Variants in AGER observed in about 807,000 individuals in gnomAD.
AGER encodes advanced glycation end product-specific receptor.
A neutral mutation model predicts 48.8 loss-of-function variants in AGER; 46 were observed. The observed-to-expected ratio is 0.94, with a 90% CI of 0.74 to 1.20. The LOEUF (loss-of-function observed/expected upper bound fraction) is 1.20. Ranked by LOEUF, AGER falls within the 50% of genes most tolerant of loss-of-function variation. The pLI is 0.00. For missense variants in AGER, 489 were observed against 515.0 expected (o/e 0.95, Z 0.49); for synonymous variants, 170 against 199.9 (o/e 0.85, Z 1.26).
chr6:32,181,255 G>T lies in AGER; in HGVS notation c.1119-16C>A, dbSNP rs901719559. The T allele has an allele frequency of 1.2e-6, 2 of 1,613,986 alleles. No individual in the cohort carries two copies. Among genetic ancestry groups the T allele is most frequent in the South Asian group, 1.1e-5 (1 of 91,076 alleles). On this transcript the variant is annotated splice_polypyrimidine_tract_variant and intron_variant, in intron 10 of 10. Transcript: ENST00000375076. This position sits in a 1 kb window ranked among gnomAD's most constrained non-coding sequence, Gnocchi z 4.1. The stretch of plus-strand genomic sequence containing the variant: ...TGGGGCCTTCCTGAGGAGAAAGATT[G>T]GGGGGAATGCGGCACGTTGTCGTTC...
chr6:32,182,392 G>C lies in AGER; in HGVS notation c.823-4C>G. 1 of 1,609,662 alleles carries C rather than the reference G, an allele frequency of 6.2e-7. No individual in the cohort carries two copies. The highest frequency in any genetic ancestry group is 8.5e-7 in the Non-Finnish European group (1 of 1,178,040). ...GGGGAAGGGGCAAGGGCACACCCTG[G>C]TGGGGGAAGGGGAGAGGAGACTATT... On this transcript the variant is annotated splice_region_variant and splice_polypyrimidine_tract_variant and intron_variant, in intron 7 of 10. Transcript: ENST00000375076. The surrounding 1 kb of genome is among the most constrained non-coding windows in gnomAD (Gnocchi z 5.1).
Position 32,181,530 on chromosome 6 carries a change from T to C in AGER, c.992-53A>G. 4 of 1,613,132 alleles carry C rather than the reference T, an allele frequency of 2.5e-6. No homozygotes were observed. Among genetic ancestry groups the C allele is most frequent in the Non-Finnish European group, 3.4e-6 (4 of 1,180,020 alleles). On this transcript the variant is annotated intron_variant, in intron 9 of 10. Coordinates refer to ENST00000375076, the MANE Select transcript of AGER (RefSeq NM_001136.5). The surrounding 1 kb of genome is among the most constrained non-coding windows in gnomAD (Gnocchi z 4.1). ...CACAGCCACCACCACTCACCATTCCTTTCTTGTTGACCATCCCCCCAGTCA... is the reference window on the plus strand; with the variant it reads ...CACAGCCACCACCACTCACCATTCCCTTCTTGTTGACCATCCCCCCAGTCA...
In AGER at chr6:32,180,988, A is replaced by G; in HGVS notation, c.*155T>C. The G allele has an allele frequency of 1.3e-6, 1 of 755,144 alleles. No individual in the cohort carries two copies. Among genetic ancestry groups the G allele is most frequent in the East Asian group, 2.5e-5 (1 of 40,682 alleles). The allele number at this position is 755,144 out of a possible 1,614,324, so 46.8% of individuals were successfully genotyped here. A position where few individuals can be genotyped will look rare whatever the true frequency, so the allele number is the denominator to read the frequency against. On this transcript the variant is annotated 3_prime_UTR_variant, in exon 11 of 11. Coordinates refer to ENST00000375076, the MANE Select transcript of AGER (RefSeq NM_001136.5). The stretch of plus-strand genomic sequence containing the variant: ...CAAGAGCAAGATGTGTCAGGTGTTT[A>G]ATCATCATTGTGGGGGGCTCTGGTT...
At position 32,182,661 on chromosome 6, in the gene AGER, C is replaced by T; in HGVS notation, c.729G>A (p.Glu243=). The T allele has an allele frequency of 3.1e-6, 5 of 1,613,124 alleles. No homozygotes were observed. Among genetic ancestry groups the T allele is most frequent in the South Asian group, 1.1e-5 (1 of 91,090 alleles). The change falls in exon 7 of 11, where the codon GAG becomes GAA. Residue 243 remains glutamate (E), a synonymous_variant. Coordinates refer to ENST00000375076, the MANE Select transcript of AGER (RefSeq NM_001136.5). The surrounding 1 kb of genome is among the most constrained non-coding windows in gnomAD (Gnocchi z 5.1). ...VPLEEVQLVV[E]PEGGAVAPGG... ...CAGGAGCTACTGCTCCACCTTCTGG[C>T]TCCACCACCAATTGGACCTCCTCCA...
rs1184249323 is a variant in AGER, at chr6:32,181,733, T to G, written c.965-101A>C. ...GGAGTCTTTCCCTTTCTTTTTTTTT[T>G]TGAGATGGAGTTTCACTTTTGTTGC... On this transcript the variant is annotated intron_variant, in intron 8 of 10. Coordinates refer to ENST00000375076, the MANE Select transcript of AGER (RefSeq NM_001136.5). The surrounding 1 kb of genome is among the most constrained non-coding windows in gnomAD (Gnocchi z 4.1). 2 of 1,273,828 alleles carry G rather than the reference T, an allele frequency of 1.6e-6. No homozygotes were observed. Among genetic ancestry groups the G allele is most frequent in the Non-Finnish European group, 2.2e-6 (2 of 911,772 alleles). 78.9% of individuals were successfully genotyped at this position (1,273,828 alleles called of 1,614,324 possible).
Position 32,183,977 on chromosome 6 carries a change from T to C in AGER, c.63A>G (p.Val21=). Residue 21 remains valine (V), a synonymous_variant, in exon 2 of 11, where the codon GTA becomes GTG. Coordinates refer to ENST00000375076, the MANE Select transcript of AGER (RefSeq NM_001136.5). ...VLVLSLWGAV[V]GAQNITARIG... The stretch of plus-strand genomic sequence containing the variant: ...TCCGGGCTGTGATGTTTTGAGCACC[T>C]ACTACTGCCCCTGGGAGATAGCACC... 6.2e-7 allele frequency: 1 copy of C among 1,612,984 alleles called. No individual in the cohort carries two copies. Among genetic ancestry groups the C allele is most frequent in the Non-Finnish European group, 8.5e-7 (1 of 1,180,008 alleles).
In AGER at chr6:32,181,050, G is replaced by T; in HGVS notation, c.*93C>A. 1 of 1,331,490 alleles carries T rather than the reference G, an allele frequency of 7.5e-7. No homozygotes were observed. Among genetic ancestry groups the T allele is most frequent in the Non-Finnish European group, 1.1e-6 (1 of 934,436 alleles). The allele number at this position is 1,331,490 out of a possible 1,614,324, so 82.5% of individuals were successfully genotyped here. A position where few individuals can be genotyped will look rare whatever the true frequency, so the allele number is the denominator to read the frequency against. ...CTTGGCAAGGTGGGGTTATACAGGA[G>T]AGAGATTATACAGGAGAGAGTTGGT... On this transcript the variant is annotated 3_prime_UTR_variant, in exon 11 of 11. Transcript: ENST00000375076. This position sits in a 1 kb window ranked among gnomAD's most constrained non-coding sequence, Gnocchi z 4.1.
Position 32,181,980 on chromosome 6 carries a change from G to T in AGER, c.964+267C>A. The T allele has an allele frequency of 3.1e-6, 2 of 647,740 alleles. No homozygotes were observed. The highest frequency in any genetic ancestry group is 5.5e-6 in the Non-Finnish European group (2 of 362,234). 40.1% of individuals were successfully genotyped at this position (647,740 alleles called of 1,614,324 possible). On this transcript the variant is annotated intron_variant, in intron 8 of 10. Transcript: ENST00000375076. This position sits in a 1 kb window ranked among gnomAD's most constrained non-coding sequence, Gnocchi z 4.1. ...ACTCCCTACCTCAGGTGATCTGCCC[G>T]CCTCAGCCTCCCAAAGTGTTGGGAT... is the stretch of plus-strand genomic sequence containing the variant.
chr6:32,181,207 T>C lies in AGER; in HGVS notation c.1151A>G (p.Glu384Gly). 1 of 1,614,162 alleles carries C rather than the reference T, an allele frequency of 6.2e-7. No individual in the cohort carries two copies. The highest frequency in any genetic ancestry group is 8.5e-7 in the Non-Finnish European group (1 of 1,180,018). ...CTCCGACTGATTCAGTTCTGCACGC[T>C]CCTCCTCTTCCTCCTGGTTTTCTGG... ...KAPENQEEEE[E>G]RAELNQSEEP... The change falls in exon 11 of 11, where the codon GAG becomes GGG. Residue 384 changes from glutamate (E) to glycine (G), a missense_variant. By Grantham distance (98) the Glu-to-Gly change is moderately conservative. Coordinates refer to ENST00000375076, the MANE Select transcript of AGER (RefSeq NM_001136.5). The surrounding 1 kb of genome is among the most constrained non-coding windows in gnomAD (Gnocchi z 4.1).
At position 32,182,250 on chromosome 6, in the gene AGER, T is replaced by C; in HGVS notation, c.961A>G (p.Ile321Val). 1 of 1,612,830 alleles carries C rather than the reference T, an allele frequency of 6.2e-7. No individual in the cohort carries two copies. Among genetic ancestry groups the C allele is most frequent in the Non-Finnish European group, 8.5e-7 (1 of 1,180,010 alleles). Residue 321 changes from isoleucine (I) to valine (V), a missense_variant, in exon 8 of 11, where the codon ATC (isoleucine) becomes GTC (valine). By Grantham distance (29) the Ile-to-Val change is conservative. Transcript: ENST00000375076. This position sits in a 1 kb window ranked among gnomAD's most constrained non-coding sequence, Gnocchi z 5.1. Reference sequence around the variant, plus strand: ...AGGGCTTGGGGAGAGGTCTCACCGATGATGCTGATGCTGACAGCACGGCTT... The same window carrying C: ...AGGGCTTGGGGAGAGGTCTCACCGACGATGCTGATGCTGACAGCACGGCTT... Reference protein sequence around the residue: ...QESRAVSISIIEPGEEGPTAG... With the variant: ...QESRAVSISIVEPGEEGPTAG...
In AGER at chr6:32,183,113, C is replaced by T; in HGVS notation, c.508+1G>A. On this transcript the variant is annotated splice_donor_variant, in intron 5 of 10. Transcript: ENST00000375076. LOFTEE classifies it high-confidence loss of function. ...AGCTTGGGGGGCACCTTAGGACTCA[C>T]CCTTCTCATTAGGCACCAGGGGCTT... 1 of 1,613,088 alleles carries T rather than the reference C, an allele frequency of 6.2e-7. No individual in the cohort carries two copies. The highest frequency in any genetic ancestry group is 8.5e-7 in the Non-Finnish European group (1 of 1,180,018).
intron 5 of AGER, 45 bp from the exon 6 acceptor site, chr6:32,183,068 A>G (rs1177247291): frequency 1.9e-6 from 3 of 1,612,828 alleles, no homozygotes; most frequent in East Asian, 2.2e-5. Context: ...TGGGTGTGGG[A>G]GTGAGATCAG....
At chr6:32,183,527 G>T in intron 3 of AGER, 28 bp downstream of exon 3, 7 of 1,612,898 alleles carry the variant, frequency 4.3e-6, no homozygotes, top group Non-Finnish European at 5.9e-6. Flanking sequence ...TAAGAGGGAG[G>T]CCTTGGAGAA....
Position 32,182,809 on chromosome 6 carries a change from G to T in AGER, c.691+32C>A. 2 of 1,612,614 alleles carry T rather than the reference G, an allele frequency of 1.2e-6. No homozygotes were observed. The highest frequency in any genetic ancestry group is 1.7e-6 in the Non-Finnish European group (2 of 1,179,982). On this transcript the variant is annotated intron_variant, in intron 6 of 10. Coordinates refer to ENST00000375076, the MANE Select transcript of AGER (RefSeq NM_001136.5). The surrounding 1 kb of genome is among the most constrained non-coding windows in gnomAD (Gnocchi z 5.1). Reference sequence around the variant, plus strand: ...GGTCAGACTTCCAGAACGTGCTCACGTGAGCTTGGGGCCCTCCCCACCTAT... The same window carrying T: ...GGTCAGACTTCCAGAACGTGCTCACTTGAGCTTGGGGCCCTCCCCACCTAT...
At chr6:32,183,852 T>C in intron 2 of AGER, 29 bp downstream of exon 2, 1 of 1,612,634 alleles carries the variant, frequency 6.2e-7, no homozygotes, top group Non-Finnish European at 8.5e-7. Flanking sequence ...CCCTGGAAGT[T>C]GGGAGGCTGC....
At chr6:32,183,268 A>G (rs755016087) in intron 4 of AGER, 56 bp downstream of exon 4, 3 of 1,612,830 alleles carry the variant, frequency 1.9e-6, no homozygotes, top group Non-Finnish European at 2.5e-6. Flanking sequence ...ACACCCACAC[A>G]CACTCGCCTC....
intron 4 of AGER, 31 bp from the exon 5 acceptor site, chr6:32,183,232 T>G: frequency 6.2e-7 from 1 of 1,612,656 alleles, no homozygotes; most frequent in Non-Finnish European, 8.5e-7. Flanking sequence ...TCAGAATCCT[T>G]TGAAAATGAG....
rs1786123370 is a variant in AGER, at chr6:32,181,192, T to C, written c.1166A>G (p.Asn389Ser). The C allele has an allele frequency of 6.2e-7, 1 of 1,614,078 alleles. No homozygotes were observed. Among genetic ancestry groups the C allele is most frequent in the Non-Finnish European group, 8.5e-7 (1 of 1,180,040 alleles). Residue 389 changes from asparagine (N) to serine (S), a missense_variant, in exon 11 of 11, where the codon AAT becomes AGT. Asn to Ser is a conservative substitution (Grantham distance 46). Transcript: ENST00000375076. The surrounding 1 kb of genome is among the most constrained non-coding windows in gnomAD (Gnocchi z 4.1). ...GCCTGCCTCAGGTTCCTCCGACTGA[T>C]TCAGTTCTGCACGCTCCTCCTCTTC... ...QEEEEERAELNQSEEPEAGES... is the reference protein window; with the variant it reads ...QEEEEERAELSQSEEPEAGES...
At position 32,182,211 on chromosome 6, in the gene AGER, G is replaced by A. The variant is rs13209119; in HGVS notation, c.964+36C>T. ...AGAGCCTGTGCTGTCCTGCACCCTAGTCCCAGGGTCTGTAGGGCTTGGGGA... is the reference window on the plus strand; with the variant it reads ...AGAGCCTGTGCTGTCCTGCACCCTAATCCCAGGGTCTGTAGGGCTTGGGGA... On this transcript the variant is annotated intron_variant, in intron 8 of 10. Coordinates refer to ENST00000375076, the MANE Select transcript of AGER (RefSeq NM_001136.5). This position sits in a 1 kb window ranked among gnomAD's most constrained non-coding sequence, Gnocchi z 5.1. The A allele has an allele frequency of 1.2e-6, 2 of 1,612,420 alleles. No individual in the cohort carries two copies. Among genetic ancestry groups the A allele is most frequent in the Non-Finnish European group, 1.7e-6 (2 of 1,179,982 alleles).
Sources: allele counts gnomAD v4.1 joint callset, GRCh38; gene constraint gnomAD v4.1.1; non-coding constraint Gnocchi (gnomAD v3.1); transcripts MANE v1.5; gene names NCBI Gene and HGNC (gene_info 2026-07-23, HGNC 2026-07-21).